SYNE2: variants seen among roughly 807,000 people sequenced by gnomAD.
The protein encoded by SYNE2 is nesprin-2.
A neutral mutation model predicts 856.3 loss-of-function variants in SYNE2; 431 were observed. That is an observed-to-expected ratio of 0.50 (90% CI 0.47 to 0.55). SYNE2 has a LOEUF of 0.55. Among genes scored for constraint, SYNE2 ranks in the 20% least tolerant of loss-of-function variants. SYNE2 has a pLI of 0.00. For missense variants in SYNE2, 8,129 were observed against 8,023.2 expected (o/e 1.01, Z -0.50); for synonymous variants, 2,923 against 2,872.3 (o/e 1.02, Z -0.56).
intron 7 of SYNE2, among the ~76,000 whole-genome samples, chr14:63,953,223 G>C (rs1314186329): frequency 6.6e-6 from 1 of 152,206 alleles, no homozygotes; most frequent in African/African-American, 2.4e-5. Flanking sequence ...AAGGTTGAGG[G>C]CAGGGAGAGT....
intron 1 of SYNE2, among the ~76,000 whole-genome samples, chr14:63,786,072 G>A (rs1338763890): frequency 6.6e-6 from 1 of 152,038 alleles, no homozygotes; most frequent in Non-Finnish European, 1.5e-5. Context: ...CCAACATGGT[G>A]AATCCCGTCT....
At chr14:63,998,398 T>C in intron 26 of SYNE2, 70 bp downstream of exon 26, 3 of 1,031,984 alleles carry the variant, frequency 2.9e-6, no homozygotes, top group Non-Finnish European at 4.5e-6. Context: ...TGTTAGACTT[T>C]TTAAAAGTTT....
At chr14:64,080,336 G>A (rs2097510183) in intron 55 of SYNE2, 120 bp from the exon 56 acceptor site, 1 of 1,016,884 alleles carries the variant, frequency 9.8e-7, no homozygotes, top group African/African-American at 1.6e-5. Context: ...CTGTTCATGT[G>A]ATGTTGTTTC....
intron 45 of SYNE2, 23 bp from the exon 46 acceptor site, chr14:64,047,977 A>G (rs376951710): frequency 1.0e-4 from 169 of 1,611,824 alleles, no homozygotes; most frequent in Non-Finnish European, 1.3e-4. Context: ...CTATTCAGCA[A>G]TTAATCTTTT....
At chr14:64,068,121 C>T (rs955351874) in intron 51 of SYNE2, among the ~76,000 whole-genome samples, 1 of 152,206 alleles carries the variant, frequency 6.6e-6, no homozygotes, top group African/African-American at 2.4e-5. Flanking sequence ...AGTGAATGCA[C>T]AGGCTTTTTG....
chr14:63,856,178 G>A (rs1217181186), intron 1 of SYNE2, among the ~76,000 whole-genome samples: 1 of 152,216 alleles, frequency 6.6e-6, no homozygotes, highest in Non-Finnish European at 1.5e-5. Flanking sequence ...CTAAATGACA[G>A]GGTGGAAATC....
In SYNE2 at chr14:63,950,098, G is replaced by A; in HGVS notation, c.590+92G>A. 3 of 1,325,152 alleles carry A rather than the reference G, an allele frequency of 2.3e-6. No individual in the cohort carries two copies. In the South Asian group the frequency reaches 3.5e-5, roughly 16 times the overall value. The allele number at this position is 1,325,152 out of a possible 1,614,324, so 82.1% of individuals were successfully genotyped here. Reference sequence around the variant, plus strand: ...CCCAAACACCTCCCTCACTTAACATGAAAATTCTCACTATCCCCCTTCCTC... The same window carrying A: ...CCCAAACACCTCCCTCACTTAACATAAAAATTCTCACTATCCCCCTTCCTC... On this transcript the variant is annotated intron_variant, in intron 7 of 115. Coordinates refer to ENST00000555002, the MANE Select transcript of SYNE2 (RefSeq NM_182914.3).
chr14:63,788,033 G>A (rs35860218), intron 1 of SYNE2, among the ~76,000 whole-genome samples: 8,544 of 152,214 alleles, frequency 0.056, 264 homozygotes, highest in Middle Eastern at 0.099. Flanking sequence ...CCCCTCTCAC[G>A]CTCGTGGGTG....
Position 64,202,894 on chromosome 14 carries a change from G to A in SYNE2, c.18132G>A (p.Glu6044=). ...LRTWLARIES[E]LSKPVVYDVC... is the part of the protein sequence containing the mutation. ...CCTGGTTGGCTCGAATTGAGTCTGA[G>A]CTTTCCAAGCCTGTTGTTTATGATG... The change falls in exon 100 of 116, where the codon GAG becomes GAA. Residue 6044 remains glutamate, a synonymous_variant. Coordinates refer to ENST00000555002, the MANE Select transcript of SYNE2 (RefSeq NM_182914.3). 6.2e-7 allele frequency: 1 copy of A among 1,614,202 alleles called. No homozygotes were observed.
chr14:63,845,075 C>G (rs939760571), intron 1 of SYNE2, among the ~76,000 whole-genome samples: 2 of 152,022 alleles, frequency 1.3e-5, no homozygotes, highest in Non-Finnish European at 1.5e-5. Flanking sequence ...CTATCTATCT[C>G]TACTGAAATT....
At position 64,225,040 on chromosome 14, in the gene SYNE2, G is replaced by T; in HGVS notation, c.20511G>T (p.Glu6837Asp). 6.2e-7 allele frequency: 1 copy of T among 1,613,976 alleles called. No homozygotes were observed. Among genetic ancestry groups the T allele is most frequent in the Non-Finnish European group, 8.5e-7 (1 of 1,179,958 alleles). The change falls in exon 115 of 116, where the codon GAG (glutamate) becomes GAT (aspartate). Residue 6837 changes from glutamate to aspartate, a missense_variant. By Grantham distance (45) the Glu-to-Asp change is conservative. Coordinates refer to ENST00000555002, the MANE Select transcript of SYNE2 (RefSeq NM_182914.3). ...CTACAGAAGGCGAGGAGGAGACAGA[G>T]AGCAGGTAACGGGGCTTTACCGTGA... ...VRTTEGEEET[E>D]SRVPGSTRPQ...
At chr14:64,074,177 C>T in intron 53 of SYNE2, 41 bp downstream of exon 53, 1 of 1,594,502 alleles carries the variant, frequency 6.3e-7, no homozygotes, top group Non-Finnish European at 8.6e-7. Flanking sequence ...AGGTACAGGC[C>T]CACAGTCTTG....
chr14:63,792,982 T>C (rs1244746222), intron 1 of SYNE2, among the ~76,000 whole-genome samples: 1 of 152,168 alleles, frequency 6.6e-6, no homozygotes, highest in Non-Finnish European at 1.5e-5. Context: ...GCCTGAAATA[T>C]TATTTTTTAT....
intron 1 of SYNE2, among the ~76,000 whole-genome samples, chr14:63,829,897 G>A (rs1290319072): frequency 6.6e-6 from 1 of 152,140 alleles, no homozygotes; most frequent in African/African-American, 2.4e-5. Context: ...GGGATTACAG[G>A]CATGAGGCAC....
At chr14:64,022,271 G>C (rs921521158) in intron 37 of SYNE2, among the ~76,000 whole-genome samples, 1 of 152,208 alleles carries the variant, frequency 6.6e-6, no homozygotes, top group Admixed American at 6.5e-5. Flanking sequence ...TAAGGTCCTA[G>C]TGTTTGACCT....
Position 64,001,998 on chromosome 14 carries a change from T to C in SYNE2, c.3703T>C (p.Cys1235Arg). The change falls in exon 29 of 116, where the codon TGT becomes CGT. Residue 1235 changes from cysteine (C) to arginine (R), a missense_variant. By Grantham distance (180) the Cys-to-Arg change is radical (BLOSUM62 -3). Transcript: ENST00000555002. The part of the protein sequence containing the change: ...LPVEKASLLL[C>R]GSDLPLHKMA... Reference sequence around the variant, plus strand: ...TGTAGAGAAGGCATCACTTCTTCTCTGTGGCTCGGACCTGCCTCTCCATAA... The same window carrying C: ...TGTAGAGAAGGCATCACTTCTTCTCCGTGGCTCGGACCTGCCTCTCCATAA... The C allele has an allele frequency of 6.2e-7, 1 of 1,614,144 alleles. No homozygotes were observed. The highest frequency in any genetic ancestry group is 8.5e-7 in the Non-Finnish European group (1 of 1,179,976).
At chr14:63,779,609 A>G (rs2139732255) in intron 1 of SYNE2, among the ~76,000 whole-genome samples, 1 of 152,118 alleles carries the variant, frequency 6.6e-6, no homozygotes, top group East Asian at 1.9e-4. Context: ...AGCGAATGCA[A>G]ATAAATAAAT....
chr14:64,143,693 C>T (rs1202675889), intron 82 of SYNE2, 79 bp from the exon 83 acceptor site: 1 of 1,499,934 alleles, frequency 6.7e-7, no homozygotes, highest in Non-Finnish European at 9.3e-7. Context: ...CTTGGTGCCC[C>T]CTCGAGCACA....
chr14:63,933,311 T>TG (rs1310033285), intron 2 of SYNE2, among the ~76,000 whole-genome samples: 1 of 152,172 alleles, frequency 6.6e-6, no homozygotes. Flanking sequence ...AACCAACTTT[T>TG]GGGAAATGAC....
Sources: gnomAD v4.1 joint callset for allele counts (sites outside exome capture counted in the v4.1 genomes callset) on GRCh38, gnomAD v4.1.1 for gene constraint, MANE v1.5 for transcripts, NCBI Gene and HGNC (gene_info 2026-07-23, HGNC 2026-07-21) for gene names.